PRDM16: variants seen among roughly 807,000 people sequenced by gnomAD.
The protein encoded by PRDM16 is histone-lysine N-methyltransferase PRDM16.
PRDM16 carries 23 observed loss-of-function variants against 110.6 expected under a neutral mutation model. That is an observed-to-expected ratio of 0.21 (90% CI 0.15 to 0.29). The LOEUF (loss-of-function observed/expected upper bound fraction) is 0.29. Among genes scored for constraint, PRDM16 ranks in the 10% least tolerant of loss-of-function variants. The pLI, the probability that PRDM16 is intolerant of heterozygous loss-of-function variation, is 1.00. For synonymous variants in PRDM16, 799 were observed against 781.8 expected (o/e 1.02, Z -0.37); for missense variants, 1,615 against 1,794.3 (o/e 0.90, Z 1.81).
At chr1:3,295,279 G>A (rs1641062377) in intron 3 of PRDM16, among the ~76,000 whole-genome samples, 1 of 152,184 alleles carries the variant, frequency 6.6e-6, no homozygotes, top group Non-Finnish European at 1.5e-5. Flanking sequence ...GCCCCTCCTG[G>A]CCTCACTTTC....
intron 2 of PRDM16, among the ~76,000 whole-genome samples, chr1:3,203,755 G>A (rs769115509): frequency 7.2e-5 from 11 of 152,298 alleles, no homozygotes; most frequent in East Asian, 1.9e-4. Flanking sequence ...CCCTACCTGC[G>A]TTAACTCATC....
At chr1:3,269,072 T>A (rs927126859) in intron 3 of PRDM16, among the ~76,000 whole-genome samples, 1 of 143,606 alleles carries the variant, frequency 7.0e-6, no homozygotes, top group African/African-American at 3.0e-5. Flanking sequence ...TGCTCCCAGG[T>A]GGGGAACAGA....
At chr1:3,123,134 A>G (rs1441377496) in intron 1 of PRDM16, among the ~76,000 whole-genome samples, 9 of 152,194 alleles carry the variant, frequency 5.9e-5, no homozygotes, top group Admixed American at 5.9e-4. Flanking sequence ...TGCACCTCAT[A>G]CATGGGACAG....
At chr1:3,117,898 C>T (rs750101860) in intron 1 of PRDM16, among the ~76,000 whole-genome samples, 7 of 152,172 alleles carry the variant, frequency 4.6e-5, no homozygotes, top group Non-Finnish European at 7.3e-5. Context: ...ACAGATTCAC[C>T]GGCTACAAGA....
At chr1:3,193,129 A>G (rs1008830091) in intron 2 of PRDM16, among the ~76,000 whole-genome samples, 1 of 152,080 alleles carries the variant, frequency 6.6e-6, no homozygotes, top group Non-Finnish European at 1.5e-5. Flanking sequence ...CAGCGGCCAG[A>G]CGACGAGTAC....
At chr1:3,114,677 C>T (rs747876132) in intron 1 of PRDM16, among the ~76,000 whole-genome samples, 1 of 152,248 alleles carries the variant, frequency 6.6e-6, no homozygotes, top group East Asian at 1.9e-4. Context: ...CACACATGCA[C>T]ACATGCACCC....
chr1:3,256,387 T>G (rs1362179458), intron 3 of PRDM16, among the ~76,000 whole-genome samples: 5 of 152,054 alleles, frequency 3.3e-5, no homozygotes, highest in Non-Finnish European at 7.4e-5. Flanking sequence ...ACCCCTCAGG[T>G]CAGCTGTGGA....
intron 3 of PRDM16, among the ~76,000 whole-genome samples, chr1:3,303,794 ATGTG>A (rs1641255925): frequency 2.0e-5 from 3 of 147,502 alleles, no homozygotes; most frequent in Non-Finnish European, 4.4e-5. Flanking sequence ...CTTCTGAGGG[ATGTG>A]CTGGGGAGCG....
chr1:3,436,571 G>T lies in PRDM16; in HGVS notation c.*2760G>T, dbSNP rs1638915520. Reference sequence around the variant, plus strand: ...AAAGGCAGCACTTATTTCCTGGGCTGGTGCGCCCCAAAACACGGCCCCGAC... The same window carrying T: ...AAAGGCAGCACTTATTTCCTGGGCTTGTGCGCCCCAAAACACGGCCCCGAC... On this transcript the variant is annotated 3_prime_UTR_variant, in exon 17 of 17. Transcript: ENST00000270722. 9 of 231,882 alleles carry T rather than the reference G, an allele frequency of 3.9e-5. No individual in the cohort carries two copies. In the East Asian group the frequency reaches 5.5e-4, roughly 14 times the overall value. 14.4% of individuals were successfully genotyped at this position (231,882 alleles called of 1,614,324 possible). A position where few individuals can be genotyped will look rare whatever the true frequency, so the allele number is the denominator to read the frequency against.
intron 1 of PRDM16, among the ~76,000 whole-genome samples, chr1:3,114,049 A>G (rs1310369128): frequency 6.6e-6 from 1 of 152,246 alleles, no homozygotes; most frequent in East Asian, 1.9e-4. Context: ...TTTCAGGGAC[A>G]AAGTTGCCAA....
intron 1 of PRDM16, among the ~76,000 whole-genome samples, chr1:3,127,586 G>A (rs1005293162): frequency 6.6e-6 from 1 of 152,226 alleles, no homozygotes; most frequent in African/African-American, 2.4e-5. Context: ...TGGAAGACTG[G>A]CTGCTAAGCA....
At chr1:3,212,220 G>A (rs1638902669) in intron 2 of PRDM16, among the ~76,000 whole-genome samples, 1 of 152,146 alleles carries the variant, frequency 6.6e-6, no homozygotes, top group African/African-American at 2.4e-5. Flanking sequence ...AGAGCACATG[G>A]GTGAGGCTTT....
intron 2 of PRDM16, among the ~76,000 whole-genome samples, chr1:3,220,029 G>A (rs975261760): frequency 7.2e-5 from 11 of 152,160 alleles, no homozygotes; most frequent in Admixed American, 1.3e-4. Context: ...CATTGACCAC[G>A]TAACCTCAGA....
chr1:3,322,408 C>T (rs992728766), intron 3 of PRDM16, among the ~76,000 whole-genome samples: 2 of 152,162 alleles, frequency 1.3e-5, no homozygotes, highest in African/African-American at 4.8e-5. Flanking sequence ...AATTTAAAAA[C>T]AATTGAGCCT....
In PRDM16 at chr1:3,246,751, C is replaced by T. The variant is rs892835054; in HGVS notation, c.438+2614C>T. Among the ~76,000 whole-genome samples the T allele has an allele frequency of 1.8e-4, 27 of 152,160 alleles. No homozygotes were observed. Among genetic ancestry groups the T allele is most frequent in the African/African-American group, 6.5e-4 (27 of 41,428 alleles). Reference sequence around the variant, plus strand: ...GCCATGCTGGTGGGAGAATCAGATCCCTAACCCCAGGGCTCAGACTGGACC... The same window carrying T: ...GCCATGCTGGTGGGAGAATCAGATCTCTAACCCCAGGGCTCAGACTGGACC... On this transcript the variant is annotated intron_variant, in intron 3 of 16. Coordinates refer to ENST00000270722, the MANE Select transcript of PRDM16 (RefSeq NM_022114.4). The surrounding 1 kb of genome is among the most constrained non-coding windows in gnomAD (Gnocchi z 5.2).
In PRDM16 at chr1:3,436,351, GCTGTCTTCCTAACCGTC is replaced by G. The variant is rs1199761926; in HGVS notation, c.*2549_*2565del. Reference sequence around the variant, plus strand: ...CCCCAGTCCCATCCCGCCGTTTTCGGCTGTCTTCCTAACCGTCCTGTCTTCTCTTGGCGCTCTTTCCT... The same window carrying G: ...CCCCAGTCCCATCCCGCCGTTTTCGGCTGTCTTCTCTTGGCGCTCTTTCCT... On this transcript the variant is annotated 3_prime_UTR_variant, in exon 17 of 17. Coordinates refer to ENST00000270722, the MANE Select transcript of PRDM16 (RefSeq NM_022114.4). The G allele has an allele frequency of 4.3e-6, 1 of 230,552 alleles. No individual in the cohort carries two copies. Among genetic ancestry groups the G allele is most frequent in the Non-Finnish European group, 8.6e-6 (1 of 116,452 alleles). The allele number at this position is 230,552 out of a possible 1,614,324, so 14.3% of individuals were successfully genotyped here.
In PRDM16 at chr1:3,437,962, T is replaced by A; in HGVS notation, c.*4151T>A. On this transcript the variant is annotated 3_prime_UTR_variant, in exon 17 of 17. Coordinates refer to ENST00000270722, the MANE Select transcript of PRDM16 (RefSeq NM_022114.4). Reference sequence around the variant, plus strand: ...CCCTTAAGGTCGATATAAAGAATCCTCGCAGAATCACAGACCTGTGCCGCC... The same window carrying A: ...CCCTTAAGGTCGATATAAAGAATCCACGCAGAATCACAGACCTGTGCCGCC... 4.5e-6 allele frequency: 1 copy of A among 220,600 alleles called. No homozygotes were observed. Among genetic ancestry groups the A allele is most frequent in the Non-Finnish European group, 9.1e-6 (1 of 109,946 alleles). The allele number at this position is 220,600 out of a possible 1,614,324, so 13.7% of individuals were successfully genotyped here.
intron 3 of PRDM16, chr1:3,309,314 A>T (rs1641386515): frequency 6.6e-6 from 1 of 152,194 alleles, no homozygotes; most frequent in South Asian, 2.1e-4. Context: ...TGGGGAAAGA[A>T]ACCTGATTCC....
At chr1:3,124,263 T>C (rs1281796668) in intron 1 of PRDM16, among the ~76,000 whole-genome samples, 1 of 152,040 alleles carries the variant, frequency 6.6e-6, no homozygotes, top group African/African-American at 2.4e-5. Context: ...AAGACTTAGA[T>C]GTTAATTTTA....
Sources: allele counts gnomAD v4.1 joint callset (sites outside exome capture counted in the v4.1 genomes callset), GRCh38; gene constraint gnomAD v4.1.1; non-coding constraint Gnocchi (gnomAD v3.1); transcripts MANE v1.5; gene names NCBI Gene and HGNC (gene_info 2026-07-23, HGNC 2026-07-21).